Variants in RACGAP1 observed in about 807,000 individuals in gnomAD.
The protein encoded by RACGAP1 is Rac GTPase activating protein 1, also known as rac GTPase-activating protein 1.
Under a neutral mutation model 78.1 loss-of-function variants are expected in RACGAP1, and 30 were observed. The ratio of observed to expected loss-of-function variants is 0.38; its 90% confidence interval spans 0.29 to 0.52. The LOEUF is 0.52. RACGAP1 is among the 20% of genes least tolerant of loss of function. The pLI is 0.82. For synonymous variants in RACGAP1, 231 were observed against 264.8 expected, an observed-to-expected ratio of 0.87 and a Z score of 1.24; for missense variants, 587 against 777.1, an observed-to-expected ratio of 0.76 and a Z score of 2.91.
At chr12:50,000,161 C>G (rs1329049904) in intron 7 of RACGAP1, among the ~76,000 whole-genome samples, 1 of 151,894 alleles carries the variant, frequency 6.6e-6, no homozygotes, top group Non-Finnish European at 1.5e-5. Context: ...CTACAGGCGT[C>G]TGCCACCATG....
In RACGAP1 at chr12:49,997,059, G is replaced by A. The variant is rs763861673; in HGVS notation, c.1025C>T (p.Thr342Ile). 35 of 1,554,768 alleles carry A rather than the reference G, an allele frequency of 2.3e-5. No individual in the cohort carries two copies. The highest frequency in any genetic ancestry group is 2.7e-5 in the Non-Finnish European group (31 of 1,141,394). The stretch of plus-strand genomic sequence containing the variant: ...TCATACCTCTCCAATCTTGACAGGT[G>A]TTCCTATCAGGGTAGGAATGCAGGG... The part of the protein sequence containing the change: ...PLPCIPTLIG[T>I]PVKIGEGMLA... Residue 342 changes from threonine (T) to isoleucine (I), a missense_variant, in exon 10 of 17, where the codon ACA becomes ATA. Thr to Ile is a moderately conservative substitution (Grantham distance 89, BLOSUM62 -1). Transcript: ENST00000312377.
At chr12:50,005,117 A>T in intron 4 of RACGAP1, 139 bp downstream of exon 4, 1 of 1,230,528 alleles carries the variant, frequency 8.1e-7, no homozygotes, top group Non-Finnish European at 1.1e-6. Context: ...TTTATTCCCC[A>T]CCTACTCTCC....
rs1948302735 is a variant in RACGAP1, at chr12:49,996,668, A to AAAAT, written c.1044+371_1044+372insATTT. On this transcript the variant is annotated intron_variant, in intron 10 of 16. Transcript: ENST00000312377. ...AAAAAAAAAAAAAAAAAAAAAAAAA[A>AAAAT]TGGACACAAGTTAGTAATCATGGAA... Among the ~76,000 whole-genome samples the AAAAT allele has an allele frequency of 4.8e-4, 62 of 129,330 alleles. 8 individuals are homozygous for AAAAT. The highest frequency in any genetic ancestry group is 2.3e-3 in the African/African-American group (60 of 26,422). 84.8% of individuals were successfully genotyped at this position (129,330 alleles called of 152,430 possible).
At position 49,992,326 on chromosome 12, in the gene RACGAP1, G is replaced by T. The variant is rs778497487; in HGVS notation, c.1497C>A (p.Val499=). Reference sequence around the variant, plus strand: ...CATGGGCCACTATTGTAGGGCCAAAGACTTTAGCCAGATTGGCAACATCCA... The same window carrying T: ...CATGGGCCACTATTGTAGGGCCAAATACTTTAGCCAGATTGGCAACATCCA... ...TKMDVANLAK[V]FGPTIVAHAV... The change falls in exon 14 of 17, where the codon GTC becomes GTA. Residue 499 remains valine (V), a synonymous_variant. Coordinates refer to ENST00000312377, the MANE Select transcript of RACGAP1 (RefSeq NM_001319999.2). 1 of 1,614,192 alleles carries T rather than the reference G, an allele frequency of 6.2e-7. No homozygotes were observed. Among genetic ancestry groups the T allele is most frequent in the Non-Finnish European group, 8.5e-7 (1 of 1,180,018 alleles).
intron 1 of RACGAP1, among the ~76,000 whole-genome samples, chr12:50,024,172 AG>A (rs921262917): frequency 1.3e-5 from 2 of 152,156 alleles, no homozygotes; most frequent in African/African-American, 4.8e-5. Flanking sequence ...AAAAAAAAAA[AG>A]AAATCAGTAT....
At chr12:49,993,470 T>C (rs60733596) in intron 12 of RACGAP1, among the ~76,000 whole-genome samples, 10,851 of 152,192 alleles carry the variant, frequency 0.071, 1,323 homozygotes, top group African/African-American at 0.25. Context: ...GTTTCAGGCA[T>C]TGTACTAGGC....
chr12:50,007,535 G>T (rs896458301), intron 2 of RACGAP1, among the ~76,000 whole-genome samples: 1 of 152,176 alleles, frequency 6.6e-6, no homozygotes, highest in African/African-American at 2.4e-5. Context: ...ATCTGCTGCT[G>T]GTCAAACTAA....
chr12:49,992,597 G>A lies in RACGAP1; in HGVS notation c.1398C>T (p.Pro466=), dbSNP rs1440862980. The change falls in exon 13 of 17, where the codon CCC becomes CCT. Residue 466 remains proline, a synonymous_variant. Coordinates refer to ENST00000312377, the MANE Select transcript of RACGAP1 (RefSeq NM_001319999.2). ...AAGCTAATGTGTCCCTGTTGGCCTG[G>A]GGCAGTTCACCAACAGCTTGGTACA... The part of the protein sequence containing the change: ...AAMYQAVGEL[P]QANRDTLAFL... 1 of 1,614,020 alleles carries A rather than the reference G, an allele frequency of 6.2e-7. No individual in the cohort carries two copies. Among genetic ancestry groups the A allele is most frequent in the African/African-American group, 1.3e-5 (1 of 74,914 alleles).
rs1947940794 is a variant in RACGAP1 at position 49,992,245 on chromosome 12, C to T, written c.1578G>A (p.Lys526=). 8 of 1,614,084 alleles carry T rather than the reference C, an allele frequency of 5.0e-6. No individual in the cohort carries two copies. Among genetic ancestry groups the T allele is most frequent in the Non-Finnish European group, 6.8e-6 (8 of 1,179,998 alleles). ...TACACACACACACGCACCTGCCTACCTTGGGTTGACGCTTGATGTCCTGTA... is the reference window on the plus strand; with the variant it reads ...TACACACACACACGCACCTGCCTACTTTGGGTTGACGCTTGATGTCCTGTA... ...TMLQDIKRQP[K]VVERLLSLPL... is the part of the protein sequence containing the mutation. The change falls in exon 14 of 17, where the codon AAG becomes AAA. Residue 526 remains lysine, a splice_region_variant and synonymous_variant. Transcript: ENST00000312377.
intron 7 of RACGAP1, among the ~76,000 whole-genome samples, chr12:50,000,087 G>C (rs1162184454): frequency 7.5e-6 from 1 of 133,696 alleles, no homozygotes; most frequent in South Asian, 2.4e-4. Flanking sequence ...AATATCGGCT[G>C]ACTGCAAGCT....
intron 1 of RACGAP1, among the ~76,000 whole-genome samples, chr12:50,018,073 G>C (rs905280213): frequency 1.5e-4 from 22 of 150,656 alleles, no homozygotes; most frequent in African/African-American, 4.9e-4. Context: ...CAGGAGGATC[G>C]CTTGAACCTG....
Position 49,992,053 on chromosome 12 carries a change from T to A in RACGAP1, c.1659A>T (p.Leu553=), listed in dbSNP as rs748576783. The A allele has an allele frequency of 6.2e-7, 1 of 1,613,968 alleles. No homozygotes were observed. The highest frequency in any genetic ancestry group is 8.5e-7 in the Non-Finnish European group (1 of 1,180,012). The change falls in exon 15 of 17, where the codon CTA becomes CTT. Residue 553 remains leucine (L), a synonymous_variant. Coordinates refer to ENST00000312377, the MANE Select transcript of RACGAP1 (RefSeq NM_001319999.2). ...AGGCATTTGAGTTTTCAATGACATG[T>A]AGGGGGTCAATGTTCTCTTGCTCCA... is the stretch of plus-strand genomic sequence containing the variant. ...MMVEQENIDP[L]HVIENSNAFS...
In RACGAP1 at chr12:50,002,265, C is replaced by T. The variant is rs781232431; in HGVS notation, c.531G>A (p.Leu177=). 2 of 1,613,362 alleles carry T rather than the reference C, an allele frequency of 1.2e-6. No homozygotes were observed. Among genetic ancestry groups the T allele is most frequent in the South Asian group, 2.2e-5 (2 of 91,032 alleles). The stretch of plus-strand genomic sequence containing the variant: ...TACATACCCTCTTTTCTCTCTTCTT[C>T]AGTTTGAAAGTCTTCACCAAAGAAG... ...WDSSLVKTFK[L]KKREKRRSTS... The change falls in exon 6 of 17, where the codon CTG becomes CTA. Residue 177 remains leucine, a synonymous_variant. Coordinates refer to ENST00000312377, the MANE Select transcript of RACGAP1 (RefSeq NM_001319999.2).
At chr12:50,024,654 C>CA (rs1287677069) in intron 1 of RACGAP1, among the ~76,000 whole-genome samples, 4 of 152,030 alleles carry the variant, frequency 2.6e-5, no homozygotes, top group South Asian at 2.1e-4. Flanking sequence ...CCTAAATATA[C>CA]AAAAATTTTT....
At chr12:50,027,826 A>AAATCAATC (rs532135598), upstream of RACGAP1, among the ~76,000 whole-genome samples, 4 of 152,136 alleles carry the variant, frequency 2.6e-5, no homozygotes, top group Non-Finnish European at 2.9e-5. Flanking sequence ...ACTCCATCTC[A>AAATCAATC]AATCAATCAA....
rs2137238589 is a variant in RACGAP1 at position 49,992,611 on chromosome 12, C to T, written c.1384G>A (p.Val462Ile). Residue 462 changes from valine to isoleucine, a missense_variant, in exon 13 of 17, where the codon GTT (valine) becomes ATT (isoleucine). By Grantham distance (29) the Val-to-Ile change is conservative (BLOSUM62 3). Transcript: ENST00000312377. ...DNSIAAMYQA[V>I]GELPQANRDT... ...CTGTTGGCCTGGGGCAGTTCACCAA[C>T]AGCTTGGTACATGGCAGCTATGCTG... is the stretch of plus-strand genomic sequence containing the variant. 6.2e-7 allele frequency: 1 copy of T among 1,614,126 alleles called. No individual in the cohort carries two copies. The highest frequency in any genetic ancestry group is 2.2e-5 in the East Asian group (1 of 44,884).
chr12:49,998,394 ACT>A lies in RACGAP1; in HGVS notation c.879+745_879+746del, dbSNP rs1236683298. ...ACTCCAGCCTGGGCAACAGAGTGAG[ACT>A]CTGTCTCAAGAAAAAAAAAGAAAAA... On this transcript the variant is annotated intron_variant, in intron 9 of 16. Transcript: ENST00000312377. 2.0e-5 allele frequency among the ~76,000 whole-genome samples: 3 copies of A among 151,718 alleles called. No homozygotes were observed. The East Asian group carries it at 5.8e-4, about 29-fold the overall frequency.
At chr12:50,004,478 C>CATGCACACACA (rs1948857173) in intron 4 of RACGAP1, among the ~76,000 whole-genome samples, 174 bp from the exon 5 acceptor site, 1 of 152,178 alleles carries the variant, frequency 6.6e-6, no homozygotes, top group Admixed American at 6.5e-5. Context: ...TGTATGGTTT[C>CATGCACACACA]CACGGAGGAG....
intron 1 of RACGAP1, chr12:50,021,211 T>G (rs999062727): frequency 2.7e-6 from 2 of 737,374 alleles, no homozygotes; most frequent in Admixed American, 6.3e-5. Context: ...AAAGTCATAT[T>G]GTAGTACATT....
Sources: gnomAD v4.1 joint callset for allele counts (sites outside exome capture counted in the v4.1 genomes callset) on GRCh38, gnomAD v4.1.1 for gene constraint, MANE v1.5 for transcripts, NCBI Gene and HGNC (gene_info 2026-07-23, HGNC 2026-07-21) for gene names.